PCDH15: variants seen among roughly 807,000 people sequenced by gnomAD.
PCDH15 encodes protocadherin related 15.
A neutral mutation model predicts 178.5 loss-of-function variants in PCDH15; 129 were observed. The observed-to-expected ratio is 0.72, with a 90% CI of 0.63 to 0.84. PCDH15 has a LOEUF of 0.84. Ranked by LOEUF, PCDH15 falls within the 40% of genes least tolerant of loss-of-function variation. The probability of loss-of-function intolerance (pLI) is 0.00; values close to 1 mark genes in which losing one functional copy is unlikely to be tolerated. For missense variants in PCDH15, 2,230 were observed against 2,099.9 expected, an observed-to-expected ratio of 1.06 and a Z score of -1.21; for synonymous variants, 800 against 732.0, an observed-to-expected ratio of 1.09 and a Z score of -1.50.
chr10:54,695,395 A>C (rs2095206488), intron 1 of PCDH15, among the ~76,000 whole-genome samples: 1 of 152,176 alleles, frequency 6.6e-6, no homozygotes, highest in African/African-American at 2.4e-5. Context: ...TGAAGTTAGC[A>C]GAGGTTGTTT....
chr10:54,824,971 C>T (rs1329888708), intron 3 of PCDH15, among the ~76,000 whole-genome samples: 1 of 152,028 alleles, frequency 6.6e-6, no homozygotes, highest in Non-Finnish European at 1.5e-5. Flanking sequence ...GTGCTGCACC[C>T]ATTAACTCCT....
chr10:54,818,138 A>G (rs1952977635), intron 3 of PCDH15, among the ~76,000 whole-genome samples: 1 of 151,932 alleles, frequency 6.6e-6, no homozygotes, highest in Non-Finnish European at 1.5e-5. Context: ...ATTTTTGTTT[A>G]AACTACCTAT....
chr10:54,603,991 CA>C, intron 2 of PCDH15, among the ~76,000 whole-genome samples: 1 of 151,992 alleles, frequency 6.6e-6, no homozygotes, highest in South Asian at 2.1e-4. Context: ...TCATTTTTGT[CA>C]GGAGGTAATT....
chr10:54,670,821 A>G (rs993896591), intron 1 of PCDH15, among the ~76,000 whole-genome samples: 1 of 152,150 alleles, frequency 6.6e-6, no homozygotes, highest in Non-Finnish European at 1.5e-5. Context: ...ATAGAAATAA[A>G]TTATTCCATT....
chr10:54,664,088 G>T (rs2094532577), intron 2 of PCDH15, 84 bp downstream of exon 2: 2 of 992,632 alleles, frequency 2.0e-6, no homozygotes, highest in South Asian at 1.3e-5. Context: ...CTACAAATTA[G>T]CATTATTCAT....
intron 7 of PCDH15, among the ~76,000 whole-genome samples, chr10:54,323,804 G>GTATT (rs10630728): frequency 0.25 from 38,299 of 151,846 alleles, 5,263 homozygotes; most frequent in African/African-American, 0.37. Flanking sequence ...ACCTACATAT[G>GTATT]TACTCCCTGT....
intron 15 of PCDH15, among the ~76,000 whole-genome samples, chr10:54,125,072 T>A (rs1343451543): frequency 4.6e-5 from 7 of 152,172 alleles, no homozygotes; most frequent in Non-Finnish European, 1.0e-4. Flanking sequence ...GGATAAAGAT[T>A]AAAAGAAAAC....
Position 54,172,278 on chromosome 10 carries a change from G to A in PCDH15, c.1590+11166C>T, listed in dbSNP as rs375513805. ...CCTTTTCCTGGCTCATCCTGGCTCA[G>A]AAACACCCCCACTGAGCACCTTGCG... On this transcript the variant is annotated intron_variant, in intron 13 of 37. Transcript: ENST00000644397. Among the ~76,000 whole-genome samples, 1,084 of 152,062 alleles carry A rather than the reference G, an allele frequency of 7.1e-3. 15 individuals carry two copies. Among genetic ancestry groups the A allele is most frequent in the African/African-American group, 0.025 (1,016 of 41,446 alleles).
intron 1 of PCDH15, among the ~76,000 whole-genome samples, chr10:54,734,374 A>C (rs1039947198): frequency 6.6e-6 from 1 of 152,038 alleles, no homozygotes; most frequent in Admixed American, 6.6e-5. Context: ...TTAAAGGCTA[A>C]GATTACAAAG....
At chr10:53,877,225 A>G (rs1201353658) in intron 26 of PCDH15, among the ~76,000 whole-genome samples, 1 of 152,112 alleles carries the variant, frequency 6.6e-6, no homozygotes, top group Non-Finnish European at 1.5e-5. Flanking sequence ...TTTTTCCGTC[A>G]TTATTGCTAA....
At chr10:54,932,054 T>C (rs1360293965) in intron 2 of PCDH15, among the ~76,000 whole-genome samples, 1 of 152,166 alleles carries the variant, frequency 6.6e-6, no homozygotes. Flanking sequence ...CATAAGATAA[T>C]AATGGAACTG....
intron 28 of PCDH15, among the ~76,000 whole-genome samples, chr10:53,852,737 C>A (rs1415624829): frequency 6.6e-6 from 1 of 150,860 alleles, no homozygotes; most frequent in African/African-American, 2.5e-5. Context: ...ATATTTTTGC[C>A]TAAAATATTG....
At chr10:54,571,362 G>A (rs1040957004) in intron 2 of PCDH15, among the ~76,000 whole-genome samples, 7 of 142,572 alleles carry the variant, frequency 4.9e-5, no homozygotes, top group Non-Finnish European at 1.1e-4. Context: ...AAAAAAAGCT[G>A]CAAAGAAATG....
rs145231187 is a variant in PCDH15, at chr10:54,939,698, G to T, written c.-79-42198C>A. On this transcript the variant is annotated intron_variant, in intron 2 of 5. Transcript: ENST00000458638. ...GGTTTTGTAAAATAAAAATGTGTTGGTCACAGTTCTGGAAGCTGTGAAGTC... is the reference window on the plus strand; with the variant it reads ...GGTTTTGTAAAATAAAAATGTGTTGTTCACAGTTCTGGAAGCTGTGAAGTC... Among the ~76,000 whole-genome samples the T allele has an allele frequency of 1.6e-4, 25 of 151,858 alleles. 1 individual carries two copies. Among genetic ancestry groups the T allele is most frequent in the Admixed American group, 3.9e-4 (6 of 15,230 alleles).
rs559765817 is a variant in PCDH15 at position 53,876,058 on chromosome 10, ACTGT to A, written c.3502-9205_3502-9202del. Among the ~76,000 whole-genome samples, 769 of 152,268 alleles carry A rather than the reference ACTGT, an allele frequency of 5.1e-3. 8 individuals carry two copies. The highest frequency in any genetic ancestry group is 0.017 in the African/African-American group (719 of 41,566). On this transcript the variant is annotated intron_variant, in intron 26 of 37. Coordinates refer to ENST00000644397, the MANE Select transcript of PCDH15 (RefSeq NM_001384140.1). ...CTGAAATAGAGTGAAAGTGTTTTAG[ACTGT>A]CTGGATAAAAATACTCAAATCTCAC...
chr10:54,968,331 T>C (rs1382316863), intron 2 of PCDH15, among the ~76,000 whole-genome samples: 3 of 152,300 alleles, frequency 2.0e-5, no homozygotes, highest in East Asian at 3.9e-4. Flanking sequence ...GTTGTTTCAT[T>C]ATTGTTAACA....
chr10:54,515,467 A>G (rs1359675646), intron 3 of PCDH15, among the ~76,000 whole-genome samples: 1 of 152,212 alleles, frequency 6.6e-6, no homozygotes, highest in Non-Finnish European at 1.5e-5. Context: ...TTGATTAGGT[A>G]AACAAAGCAG....
chr10:54,167,888 C>T (rs1429524740), intron 13 of PCDH15, among the ~76,000 whole-genome samples: 1 of 148,240 alleles, frequency 6.7e-6, no homozygotes, highest in Non-Finnish European at 1.5e-5. Context: ...TATTTCTGTG[C>T]CCCGACCTCT....
intron 3 of PCDH15, among the ~76,000 whole-genome samples, chr10:54,484,233 T>G (rs1235601538): frequency 1.3e-5 from 2 of 151,868 alleles, no homozygotes; most frequent in African/African-American, 4.8e-5. Flanking sequence ...GCATAATAAG[T>G]GGCATTTTTG....
Sources: gnomAD v4.1 joint callset for allele counts (sites outside exome capture counted in the v4.1 genomes callset) on GRCh38, gnomAD v4.1.1 for gene constraint, MANE v1.5 for transcripts, NCBI Gene and HGNC (gene_info 2026-07-23, HGNC 2026-07-21) for gene names.